The following CHRM5 variants were observed in gnomAD, a reference collection of about 807,000 sequenced individuals.
CHRM5 encodes the protein muscarinic acetylcholine receptor M5.
A neutral mutation model predicts 39.0 loss-of-function variants in CHRM5; 18 were observed. The ratio of observed to expected loss-of-function variants is 0.46; its 90% confidence interval spans 0.32 to 0.68. The LOEUF (loss-of-function observed/expected upper bound fraction) is 0.68. CHRM5 is among the 30% of genes least tolerant of loss of function. CHRM5 has a pLI of 0.04. For missense variants in CHRM5, 515 were observed against 651.1 expected (o/e 0.79, Z 2.28); for synonymous variants, 241 against 246.3 (o/e 0.98, Z 0.20).
intron 1 of CHRM5, among the ~76,000 whole-genome samples, chr15:34,011,898 T>C (rs1897654563): frequency 6.6e-6 from 1 of 152,330 alleles, no homozygotes; most frequent in African/African-American, 2.4e-5. Flanking sequence ...AAGGATAATT[T>C]GGGAAATTAG....
chr15:33,994,756 A>G (rs970210126), intron 1 of CHRM5, among the ~76,000 whole-genome samples: 1 of 152,202 alleles, frequency 6.6e-6, no homozygotes, highest in Non-Finnish European at 1.5e-5. Context: ...CTTAGAGAAT[A>G]TATGTTAAGC....
intron 1 of CHRM5, among the ~76,000 whole-genome samples, chr15:33,983,530 A>C (rs1328989943): frequency 6.6e-6 from 1 of 152,120 alleles, no homozygotes; most frequent in Non-Finnish European, 1.5e-5. Flanking sequence ...CCTCTTGTCC[A>C]AGGCAATTCT....
At chr15:34,022,428 C>T (rs960477893) in intron 1 of CHRM5, among the ~76,000 whole-genome samples, 1 of 152,136 alleles carries the variant, frequency 6.6e-6, no homozygotes, top group African/African-American at 2.4e-5. Context: ...AAAGAAAGGG[C>T]AGCAAAGGCG....
At chr15:33,982,322 C>T (rs1194863291) in intron 1 of CHRM5, among the ~76,000 whole-genome samples, 4 of 152,120 alleles carry the variant, frequency 2.6e-5, no homozygotes, top group Non-Finnish European at 5.9e-5. Flanking sequence ...ATTTCAAATT[C>T]CTATAAGATC....
chr15:34,024,472 C>CAA (rs10531898), intron 1 of CHRM5, among the ~76,000 whole-genome samples: 25 of 101,876 alleles, frequency 2.5e-4, no homozygotes, highest in African/African-American at 7.6e-4. Context: ...GACCCTGTCT[C>CAA]AAAAAAAAAA....
intron 1 of CHRM5, among the ~76,000 whole-genome samples, chr15:33,977,866 G>A (rs1895952015): frequency 6.6e-6 from 1 of 151,996 alleles, no homozygotes; most frequent in Non-Finnish European, 1.5e-5. Context: ...GAGCCCAGGA[G>A]GTCAAAGCCG....
At chr15:34,016,939 G>A (rs968240693) in intron 1 of CHRM5, among the ~76,000 whole-genome samples, 7 of 151,966 alleles carry the variant, frequency 4.6e-5, no homozygotes, top group African/African-American at 1.7e-4. Flanking sequence ...GATCAGCCCG[G>A]ACAACATGGC....
rs747419021 is a variant in CHRM5, at chr15:34,062,993, C to T, written c.276C>T (p.Leu92=). 2 of 1,614,226 alleles carry T rather than the reference C, an allele frequency of 1.2e-6. No homozygotes were observed. Among genetic ancestry groups the T allele is most frequent in the African/African-American group, 1.3e-5 (1 of 75,074 alleles). The change falls in exon 3 of 3, where the codon CTC becomes CTT. Residue 92 remains leucine, a synonymous_variant. Transcript: ENST00000383263. ...TGAACCTCTACACCACCTACATCCT[C>T]ATGGGACGCTGGGCTCTCGGGAGTC... is the stretch of plus-strand genomic sequence containing the variant. ...FSMNLYTTYI[L]MGRWALGSLA... is the part of the protein sequence containing the mutation.
intron 1 of CHRM5, chr15:34,003,346 T>G (rs1389662947): frequency 2.7e-6 from 2 of 740,174 alleles, no homozygotes; most frequent in Non-Finnish European, 4.3e-6. Flanking sequence ...TTAAATATTA[T>G]TTTAAGAGAA....
intron 1 of CHRM5, among the ~76,000 whole-genome samples, chr15:33,994,546 C>T (rs779028882): frequency 2.6e-5 from 4 of 152,160 alleles, no homozygotes; most frequent in African/African-American, 4.8e-5. Context: ...TCCACAAAAC[C>T]GGTCCCTGGT....
intron 1 of CHRM5, among the ~76,000 whole-genome samples, chr15:34,017,950 C>T (rs555672765): frequency 7.2e-5 from 11 of 152,164 alleles, no homozygotes; most frequent in South Asian, 2.1e-4. Context: ...AGGTCTGTGG[C>T]GATACTGATG....
intron 1 of CHRM5, among the ~76,000 whole-genome samples, chr15:34,024,116 A>T (rs1898330387): frequency 6.6e-6 from 1 of 152,196 alleles, no homozygotes; most frequent in South Asian, 2.1e-4. Flanking sequence ...CACAACAAAT[A>T]TCTACTGAGA....
At chr15:33,993,645 T>A (rs1193451298) in intron 1 of CHRM5, among the ~76,000 whole-genome samples, 1 of 152,140 alleles carries the variant, frequency 6.6e-6, no homozygotes, top group Non-Finnish European at 1.5e-5. Flanking sequence ...GCTTATAGAA[T>A]AATTATTAAA....
At chr15:33,992,424 A>AATATTCAAT (rs1274739532) in intron 1 of CHRM5, among the ~76,000 whole-genome samples, 3 of 152,080 alleles carry the variant, frequency 2.0e-5, no homozygotes, top group Non-Finnish European at 4.4e-5. Context: ...AATTAGGCCC[A>AATATTCAAT]ATATTCAATA....
chr15:34,043,256 A>T (rs1295640019), intron 1 of CHRM5, among the ~76,000 whole-genome samples: 1 of 151,990 alleles, frequency 6.6e-6, no homozygotes, highest in Non-Finnish European at 1.5e-5. Context: ...CAAAAAAAAA[A>T]AAAAGACTAT....
intron 2 of CHRM5, among the ~76,000 whole-genome samples, chr15:34,057,525 C>T (rs1302870316): frequency 1.3e-5 from 2 of 152,168 alleles, no homozygotes; most frequent in Non-Finnish European, 2.9e-5. Flanking sequence ...CTGAATACAA[C>T]ATGGGTTATC....
At chr15:34,007,161 GAC>G (rs1320355574) in intron 1 of CHRM5, 168 of 448,714 alleles carry the variant, frequency 3.7e-4, no homozygotes, top group Non-Finnish European at 4.6e-4. Flanking sequence ...CTTGTCCAAT[GAC>G]ACACACACAC....
chr15:34,008,052 C>T (rs1897440310), intron 1 of CHRM5, among the ~76,000 whole-genome samples: 1 of 152,118 alleles, frequency 6.6e-6, no homozygotes, highest in African/African-American at 2.4e-5. Context: ...CTCAGAGGTA[C>T]TGCAGATTAG....
intron 1 of CHRM5, among the ~76,000 whole-genome samples, chr15:34,019,416 C>T (rs1358420363): frequency 6.6e-6 from 1 of 152,024 alleles, no homozygotes; most frequent in African/African-American, 2.4e-5. Flanking sequence ...AAGAAAATTA[C>T]AGTAAACTAG....
Sources: allele counts gnomAD v4.1 joint callset (sites outside exome capture counted in the v4.1 genomes callset), GRCh38; gene constraint gnomAD v4.1.1; transcripts MANE v1.5; gene names NCBI Gene and HGNC (gene_info 2026-07-23, HGNC 2026-07-21).